The following GNPTAB variants were observed in gnomAD, a reference collection of about 807,000 sequenced individuals.
GNPTAB encodes N-acetylglucosamine-1-phosphotransferase subunits alpha/beta.
A neutral mutation model predicts 136.6 loss-of-function variants in GNPTAB; 92 were observed. The observed-to-expected ratio is 0.67, with a 90% confidence interval of 0.57 to 0.80. The LOEUF (loss-of-function observed/expected upper bound fraction) is 0.80. Ranked by LOEUF, GNPTAB falls within the 30% of genes least tolerant of loss-of-function variation. The pLI, the probability that GNPTAB is intolerant of heterozygous loss-of-function variation, is 0.00. For missense variants in GNPTAB, 1,343 were observed against 1,501.8 expected (o/e 0.89, Z 1.75); for synonymous variants, 512 against 535.1 (o/e 0.96, Z 0.60).
Position 101,830,635 on chromosome 12 carries a change from A to G in GNPTAB, c.41T>C (p.Leu14Pro). Residue 14 changes from leucine (L) to proline (P), a missense_variant, in exon 1 of 21, where the codon CTG (leucine) becomes CCG (proline). Coordinates refer to ENST00000299314, the MANE Select transcript of GNPTAB (RefSeq NM_024312.5). ...KLLQRQTYTCLSHRYGLYVCF... is the reference protein window; with the variant it reads ...KLLQRQTYTCPSHRYGLYVCF... ...CACGTAGAGCCCATACCTGTGGGAC[A>G]GGCAGGTATAGGTCTGTCTCTGCAG... 1 of 1,611,898 alleles carries G rather than the reference A, an allele frequency of 6.2e-7. No individual in the cohort carries two copies. Among genetic ancestry groups the G allele is most frequent in the Non-Finnish European group, 8.5e-7 (1 of 1,178,310 alleles).
intron 13 of GNPTAB, 45 bp downstream of exon 13, chr12:101,764,157 T>C (rs1953046706): frequency 6.2e-7 from 1 of 1,612,528 alleles, no homozygotes; most frequent in African/African-American, 1.3e-5. Context: ...TGAGATTATT[T>C]ACTCTTCCTG....
At chr12:101,771,230 T>G in intron 7 of GNPTAB, 73 bp from the exon 8 acceptor site, 2 of 1,199,712 alleles carry the variant, frequency 1.7e-6, no homozygotes, top group Non-Finnish European at 2.4e-6. Context: ...ATTCCCACTC[T>G]GCTCTTTAAT....
intron 12 of GNPTAB, chr12:101,765,747 C>T (rs561387335): frequency 4.8e-5 from 17 of 353,946 alleles, no homozygotes; most frequent in Admixed American, 3.5e-4. Flanking sequence ...TCCATTAATA[C>T]GCTATCAACA....
At chr12:101,824,116 C>A (rs1289992031) in intron 1 of GNPTAB, among the ~76,000 whole-genome samples, 4 of 152,062 alleles carry the variant, frequency 2.6e-5, no homozygotes, top group Admixed American at 2.0e-4. Flanking sequence ...TTTCTGGAGA[C>A]GATCCCAGTG....
rs1321165303 is a variant in GNPTAB at position 101,757,761 on chromosome 12, G to A, written c.3250-104C>T. ...TTTTAACTTTGATTCTATGCTCTCT[G>A]GAGGTAAGAAAAACACCAACTGTGA... On this transcript the variant is annotated intron_variant, in intron 16 of 20. Coordinates refer to ENST00000299314, the MANE Select transcript of GNPTAB (RefSeq NM_024312.5). 24 of 732,430 alleles carry A rather than the reference G, an allele frequency of 3.3e-5. 1 individual carries two copies. Among genetic ancestry groups the A allele is most frequent in the South Asian group, 1.6e-4 (11 of 70,432 alleles). 45.4% of individuals were successfully genotyped at this position (732,430 alleles called of 1,614,324 possible).
At chr12:101,817,792 T>C (rs531927193) in intron 1 of GNPTAB, among the ~76,000 whole-genome samples, 34 of 152,194 alleles carry the variant, frequency 2.2e-4, no homozygotes, top group African/African-American at 8.2e-4. Context: ...AGATCCTGTC[T>C]CAAAAAATAA....
chr12:101,827,735 C>T (rs1871165458), intron 1 of GNPTAB, among the ~76,000 whole-genome samples: 1 of 152,196 alleles, frequency 6.6e-6, no homozygotes, highest in African/African-American at 2.4e-5. Context: ...GAGGCCAAGG[C>T]AGGCGGATCA....
rs570890210 is a variant in GNPTAB, at chr12:101,779,396, G to C, written c.771+756C>G. The C allele has an allele frequency of 3.9e-5, 6 of 152,392 alleles. No homozygotes were observed. In the East Asian group the frequency reaches 1.2e-3, roughly 29 times the overall value. The allele number at this position is 152,392 out of a possible 1,614,324, so 9.4% of individuals were successfully genotyped here. A position where few individuals can be genotyped will look rare whatever the true frequency, so the allele number is the denominator to read the frequency against. On this transcript the variant is annotated intron_variant, in intron 7 of 20. Coordinates refer to ENST00000299314, the MANE Select transcript of GNPTAB (RefSeq NM_024312.5). ...GCATCTTGACGTAAGGTCAAATAGA[G>C]AGAACACCCACATGGACTATGTCCT...
Position 101,770,134 on chromosome 12 carries a change from G to A in GNPTAB, c.1171C>T (p.His391Tyr). 6.2e-7 allele frequency: 1 copy of A among 1,614,098 alleles called. No individual in the cohort carries two copies. The highest frequency in any genetic ancestry group is 8.5e-7 in the Non-Finnish European group (1 of 1,179,992). ...GACAGCCCTTCGATGCGATGAATGT[G>A]ACTTTCAATAGCAGGTGAACTAAAG... ...PTFSSPAIES[H>Y]IHRIEGLSQK... The change falls in exon 10 of 21, where the codon CAC becomes TAC. Residue 391 changes from histidine (H) to tyrosine (Y), a missense_variant. Physicochemically the swap from His to Tyr is moderately conservative, Grantham distance 83 (BLOSUM62 2). Transcript: ENST00000299314.
chr12:101,815,922 A>G (rs1010923363), intron 1 of GNPTAB, among the ~76,000 whole-genome samples: 14 of 152,372 alleles, frequency 9.2e-5, no homozygotes, highest in Non-Finnish European at 2.1e-4. Flanking sequence ...ATTTCTGACA[A>G]AAGTGCCAAG....
chr12:101,827,198 C>A (rs1370869614), intron 1 of GNPTAB, among the ~76,000 whole-genome samples: 2 of 151,966 alleles, frequency 1.3e-5, no homozygotes, highest in Admixed American at 6.6e-5. Flanking sequence ...GGTGCAATCA[C>A]GGCTCATGCA....
chr12:101,764,773 T>A lies in GNPTAB; in HGVS notation c.2144A>T (p.Asp715Val), dbSNP rs753858408. The change falls in exon 13 of 21, where the codon GAT becomes GTT. Residue 715 changes from aspartate to valine, a missense_variant. Coordinates refer to ENST00000299314, the MANE Select transcript of GNPTAB (RefSeq NM_024312.5). The part of the protein sequence containing the change: ...KDAQLSLNTL[D>V]LQLEHGDITL... Reference sequence around the variant, plus strand: ...GATGTCTCCATGTTCCAGTTGCAAATCCAAGGTATTGAGACTCAACTGGGC... The same window carrying A: ...GATGTCTCCATGTTCCAGTTGCAAAACCAAGGTATTGAGACTCAACTGGGC... 6 of 1,614,174 alleles carry A rather than the reference T, an allele frequency of 3.7e-6. No individual in the cohort carries two copies. The South Asian group carries it at 6.6e-5, about 18-fold the overall frequency.
chr12:101,827,527 C>T (rs1041326697), intron 1 of GNPTAB, among the ~76,000 whole-genome samples: 8 of 152,202 alleles, frequency 5.3e-5, no homozygotes, highest in African/African-American at 1.9e-4. Context: ...TGAGCCACCT[C>T]ACCCAGCTTG....
intron 1 of GNPTAB, among the ~76,000 whole-genome samples, chr12:101,822,274 G>A (rs1870846866): frequency 6.6e-6 from 1 of 152,116 alleles, no homozygotes; most frequent in South Asian, 2.1e-4. Flanking sequence ...TTAGCCGGGT[G>A]AGGTGGCGGG....
chr12:101,764,454 G>C lies in GNPTAB; in HGVS notation c.2463C>G (p.His821Gln). 2 of 1,613,620 alleles carry C rather than the reference G, an allele frequency of 1.2e-6. No individual in the cohort carries two copies. Among genetic ancestry groups the C allele is most frequent in the Non-Finnish European group, 1.7e-6 (2 of 1,180,030 alleles). The change falls in exon 13 of 21, where the codon CAC becomes CAG. Residue 821 changes from histidine to glutamine, a missense_variant. Coordinates refer to ENST00000299314, the MANE Select transcript of GNPTAB (RefSeq NM_024312.5). ...ETTARFRVET[H>Q]TQKTIGGNVT... is the part of the protein sequence containing the mutation. ...CATTTCCGCCTATGGTTTTTTGGGT[G>C]TGAGTTTCCACTCTAAATCTTGCTG...
At position 101,830,713 on chromosome 12, in the gene GNPTAB, AGCCGCCGCC is replaced by A. The variant is rs76300806; in HGVS notation, c.-47_-39del. The A allele has an allele frequency of 1.3e-3, 1,316 of 1,046,940 alleles. 5 individuals are homozygous for A. The highest frequency in any genetic ancestry group is 1.6e-3 in the Non-Finnish European group (1,124 of 700,936). The allele number at this position is 1,046,940 out of a possible 1,614,324, so 64.9% of individuals were successfully genotyped here. A position where few individuals can be genotyped will look rare whatever the true frequency, so the allele number is the denominator to read the frequency against. On this transcript the variant is annotated 5_prime_UTR_variant, in exon 1 of 21. Transcript: ENST00000299314. ...GCCACGCCACGCCCCGAGGAGCCTG[AGCCGCCGCC>A]GCCGCCGCCGCCGCCTCAGCGAGCC...
At chr12:101,756,632 T>A (rs1223893038) in intron 18 of GNPTAB, 1 of 184,286 alleles carries the variant, frequency 5.4e-6, no homozygotes, top group African/African-American at 2.4e-5. Context: ...ATGAAACATC[T>A]ACTTCCCACT....
Position 101,761,700 on chromosome 12 carries a change from GTTGCCTCC to G in GNPTAB, c.2771_2778del (p.Gly924AlafsTer14). On this transcript the variant is annotated frameshift_variant, in exon 14 of 21. Transcript: ENST00000299314. LOFTEE classifies it high-confidence loss of function. ...AGGGAATCTGCAAATGTATCTTTTA[GTTGCCTCC>G]CAGTATTTTTGCTATCAGTGAAGTA... is the stretch of plus-strand genomic sequence containing the variant. 1 of 1,613,872 alleles carries G rather than the reference GTTGCCTCC, an allele frequency of 6.2e-7. No individual in the cohort carries two copies. Among genetic ancestry groups the G allele is most frequent in the Non-Finnish European group, 8.5e-7 (1 of 1,179,796 alleles).
chr12:101,775,570 G>T (rs964338200), intron 7 of GNPTAB, among the ~76,000 whole-genome samples: 4 of 151,752 alleles, frequency 2.6e-5, no homozygotes, highest in East Asian at 3.9e-4. Context: ...TCACCATGTT[G>T]GCCAGGATGG....
Sources: allele counts gnomAD v4.1 joint callset (sites outside exome capture counted in the v4.1 genomes callset), GRCh38; gene constraint gnomAD v4.1.1; transcripts MANE v1.5; gene names NCBI Gene and HGNC (gene_info 2026-07-23, HGNC 2026-07-21).